The following FOXN3 variants were observed in gnomAD, a reference collection of about 807,000 sequenced individuals.
The protein encoded by FOXN3 is forkhead box protein N3.
FOXN3 carries 7 observed loss-of-function variants against 38.4 expected under a neutral mutation model. That is an observed-to-expected ratio of 0.18 (90% CI 0.10 to 0.34). The LOEUF (loss-of-function observed/expected upper bound fraction) is 0.34. FOXN3 is among the 10% of genes least tolerant of loss of function. The probability of loss-of-function intolerance (pLI) is 1.00; values close to 1 mark genes in which losing one functional copy is unlikely to be tolerated. For missense variants in FOXN3, 456 were observed against 613.4 expected, an observed-to-expected ratio of 0.74 and a Z score of 2.71; for synonymous variants, 230 against 242.2, an observed-to-expected ratio of 0.95 and a Z score of 0.47.
At chr14:89,252,041 T>G (rs1340859284) in intron 4 of FOXN3, among the ~76,000 whole-genome samples, 1 of 152,250 alleles carries the variant, frequency 6.6e-6, no homozygotes, top group Non-Finnish European at 1.5e-5. Context: ...TAACAACCAT[T>G]CATTGTCTAC....
At chr14:89,503,711 T>C (rs1422337040) in intron 1 of FOXN3, among the ~76,000 whole-genome samples, 1 of 152,166 alleles carries the variant, frequency 6.6e-6, no homozygotes, top group African/African-American at 2.4e-5. Context: ...CGGTTACAAG[T>C]GTGTGATTTT....
In FOXN3 at chr14:89,431,270, A is replaced by G. The variant is rs553766347; in HGVS notation, c.-14-18780T>C. Among the ~76,000 whole-genome samples the G allele has an allele frequency of 6.5e-4, 99 of 152,066 alleles. 1 individual carries two copies. The highest frequency in any genetic ancestry group is 1.3e-3 in the African/African-American group (56 of 41,484). ...GGATGGAGTGCAGTGTTGTGATTTCAGCTCACTGCAACTTCTTCAGCTTCA... is the reference window on the plus strand; with the variant it reads ...GGATGGAGTGCAGTGTTGTGATTTCGGCTCACTGCAACTTCTTCAGCTTCA... On this transcript the variant is annotated intron_variant, in intron 1 of 6. Transcript: ENST00000345097.
chr14:89,337,586 C>G (rs1433141314), intron 3 of FOXN3, among the ~76,000 whole-genome samples: 1 of 151,470 alleles, frequency 6.6e-6, no homozygotes, highest in Non-Finnish European at 1.5e-5. Context: ...AAAGCTGGAG[C>G]AATTCCTGGC....
At chr14:89,501,756 G>A (rs539944702) in intron 1 of FOXN3, among the ~76,000 whole-genome samples, 9 of 152,304 alleles carry the variant, frequency 5.9e-5, no homozygotes, top group African/African-American at 2.2e-4. Context: ...ACTGAGGCAG[G>A]AGAATCGCTT....
chr14:89,162,048 G>A lies in FOXN3; in HGVS notation c.*366C>T, dbSNP rs1887118923. ...CGTGCCTTCTAGGTGCCGAATGTGTGTTCCTGTGATATTGACGTTGACATC... is the reference window on the plus strand; with the variant it reads ...CGTGCCTTCTAGGTGCCGAATGTGTATTCCTGTGATATTGACGTTGACATC... On this transcript the variant is annotated 3_prime_UTR_variant, in exon 6 of 6. Coordinates refer to ENST00000557258, the MANE Select transcript of FOXN3 (RefSeq NM_005197.4). This position sits in a 1 kb window ranked among gnomAD's most constrained non-coding sequence, Gnocchi z 7.2. 1.1e-5 allele frequency: 2 copies of A among 173,970 alleles called. No individual in the cohort carries two copies. The highest frequency in any genetic ancestry group is 4.8e-5 in the African/African-American group (2 of 41,904). The allele number at this position is 173,970 out of a possible 1,614,324, so 10.8% of individuals were successfully genotyped here. A position where few individuals can be genotyped will look rare whatever the true frequency, so the allele number is the denominator to read the frequency against.
rs573410376 is a variant in FOXN3, at chr14:89,316,903, G to A, written c.680+33769C>T. Among the ~76,000 whole-genome samples the A allele has an allele frequency of 1.4e-4, 22 of 152,280 alleles. 1 individual carries two copies. The South Asian group carries it at 4.1e-3, about 29-fold the overall frequency. ...TGGTTTTGAACTCCTGACCTCAGGT[G>A]ATCTGCCAGCCTTGGCCTCCCAAAG... On this transcript the variant is annotated intron_variant, in intron 3 of 5. Transcript: ENST00000557258.
At chr14:89,602,619 C>G (rs1289042734) in intron 1 of FOXN3, among the ~76,000 whole-genome samples, 2 of 152,010 alleles carry the variant, frequency 1.3e-5, no homozygotes, top group Non-Finnish European at 2.9e-5. Context: ...GCCTCAGCCT[C>G]CCGAGTAGCT....
intron 4 of FOXN3, among the ~76,000 whole-genome samples, chr14:89,188,327 G>GC (rs761929092): frequency 4.2e-4 from 64 of 152,302 alleles, no homozygotes; most frequent in Non-Finnish European, 7.6e-4. Context: ...ATCAGGAGAA[G>GC]CCTTTTTCCT....
intron 1 of FOXN3, among the ~76,000 whole-genome samples, chr14:89,511,307 C>CTTTG (rs1398633001): frequency 4.4e-5 from 5 of 112,946 alleles, no homozygotes; most frequent in African/African-American, 1.8e-4. Flanking sequence ...TTCTTTCTTT[C>CTTTG]TTTTTTGAGA....
intron 1 of FOXN3, among the ~76,000 whole-genome samples, chr14:89,422,305 T>C (rs528281702): frequency 2.0e-5 from 3 of 152,286 alleles, no homozygotes; most frequent in African/African-American, 7.2e-5. Flanking sequence ...CCAGAGTTTC[T>C]GGTTGGGGAG....
At chr14:89,525,268 C>G (rs1265607321) in intron 1 of FOXN3, among the ~76,000 whole-genome samples, 1 of 146,848 alleles carries the variant, frequency 6.8e-6, no homozygotes, top group Admixed American at 6.8e-5. Flanking sequence ...AGTAAAGAAG[C>G]TGGCCAAAAC....
chr14:89,474,511 T>C (rs749775369), intron 1 of FOXN3, among the ~76,000 whole-genome samples: 12 of 152,246 alleles, frequency 7.9e-5, no homozygotes, highest in Non-Finnish European at 1.8e-4. Flanking sequence ...AAAAGCATCA[T>C]GCTCTTTTAT....
At chr14:89,595,650 T>C (rs1896042946) in intron 1 of FOXN3, among the ~76,000 whole-genome samples, 1 of 152,214 alleles carries the variant, frequency 6.6e-6, no homozygotes, top group African/African-American at 2.4e-5. Flanking sequence ...ATTAATAGTT[T>C]TATTTATTCC....
At position 89,319,091 on chromosome 14, in the gene FOXN3, C is replaced by T. The variant is rs192028669; in HGVS notation, c.680+31581G>A. On this transcript the variant is annotated intron_variant, in intron 3 of 5. Transcript: ENST00000557258. ...TTGGTACCTGAGTCAAGGGAAGAAT[C>T]AAAGACAATTCTGAGTTGCTGACTT... Among the ~76,000 whole-genome samples the T allele has an allele frequency of 1.2e-4, 19 of 152,278 alleles. No individual in the cohort carries two copies. The East Asian group carries it at 3.5e-3, about 28-fold the overall frequency.
chr14:89,566,363 G>A (rs1445449973), intron 1 of FOXN3, among the ~76,000 whole-genome samples: 1 of 151,958 alleles, frequency 6.6e-6, no homozygotes, highest in Admixed American at 6.6e-5. Flanking sequence ...GCTCACGCTG[G>A]GTAGAAATTT....
At chr14:89,284,627 C>G in intron 3 of FOXN3, 1 of 453,202 alleles carries the variant, frequency 2.2e-6, no homozygotes, top group South Asian at 1.6e-5. Flanking sequence ...GACACGCGGG[C>G]TCCTATTAGC....
intron 4 of FOXN3, chr14:89,263,703 CG>C (rs1275862260): frequency 1.3e-5 from 2 of 152,160 alleles, no homozygotes; most frequent in African/African-American, 4.8e-5. Context: ...ATTGGAATAA[CG>C]TATGTCCAGC....
At chr14:89,561,449 T>G (rs1057454170) in intron 1 of FOXN3, among the ~76,000 whole-genome samples, 21 of 152,182 alleles carry the variant, frequency 1.4e-4, no homozygotes, top group African/African-American at 5.1e-4. Flanking sequence ...TGACTTCAGG[T>G]GATCCACCTG....
chr14:89,408,328 G>C (rs1419586788), intron 2 of FOXN3, among the ~76,000 whole-genome samples: 1 of 151,796 alleles, frequency 6.6e-6, no homozygotes, highest in Non-Finnish European at 1.5e-5. Flanking sequence ...CTGTATCTCG[G>C]CTCACTGCAA....
Sources: gnomAD v4.1 joint callset for allele counts (sites outside exome capture counted in the v4.1 genomes callset) on GRCh38, gnomAD v4.1.1 for gene constraint, Gnocchi (gnomAD v3.1) non-coding constraint, MANE v1.5 for transcripts, NCBI Gene and HGNC (gene_info 2026-07-23, HGNC 2026-07-21) for gene names.